Variants in NRG1 observed in about 807,000 individuals in gnomAD.
NRG1 encodes the protein neuregulin 1, also known as pro-neuregulin-1, membrane-bound isoform.
Under a neutral mutation model 63.8 loss-of-function variants are expected in NRG1, and 18 were observed. That is an observed-to-expected ratio of 0.28 (90% CI 0.19 to 0.42). NRG1 has a LOEUF of 0.42. NRG1 is among the 10% of genes least tolerant of loss of function. NRG1 has a pLI of 1.00. For synonymous variants in NRG1, 302 were observed against 301.3 expected (o/e 1.00, Z -0.02); for missense variants, 762 against 814.7 (o/e 0.94, Z 0.79).
At chr8:31,849,995 A>C (rs1007959123) in intron 1 of NRG1, among the ~76,000 whole-genome samples, 1 of 152,198 alleles carries the variant, frequency 6.6e-6, no homozygotes, top group African/African-American at 2.4e-5. Flanking sequence ...AGAAGTGTTC[A>C]AAATTTTTGC....
chr8:31,732,187 G>C (rs764432796), intron 1 of NRG1, among the ~76,000 whole-genome samples: 9 of 152,168 alleles, frequency 5.9e-5, no homozygotes, highest in Non-Finnish European at 1.0e-4. Context: ...GTTCGTTCCA[G>C]TTCATTGACT....
intron 5 of NRG1, among the ~76,000 whole-genome samples, chr8:32,713,461 T>A (rs1364849937): frequency 6.6e-6 from 1 of 152,068 alleles, no homozygotes; most frequent in Non-Finnish European, 1.5e-5. Context: ...ACCTTCCTAA[T>A]TGAGTTGAAC....
intron 1 of NRG1, among the ~76,000 whole-genome samples, chr8:32,578,116 T>C (rs868381638): frequency 1.3e-5 from 2 of 152,106 alleles, no homozygotes; most frequent in Non-Finnish European, 2.9e-5. Flanking sequence ...AGCCTCAGCC[T>C]CCTGAGTAGC....
At chr8:31,987,320 A>ATATGTG (rs1554593692) in intron 1 of NRG1, among the ~76,000 whole-genome samples, 1 of 125,800 alleles carries the variant, frequency 7.9e-6, no homozygotes, top group Non-Finnish European at 1.6e-5. Context: ...AAACATATAT[A>ATATGTG]TGTGTGTGTG....
chr8:32,453,078 T>C (rs1438815103), intron 1 of NRG1, among the ~76,000 whole-genome samples: 1 of 152,208 alleles, frequency 6.6e-6, no homozygotes, highest in East Asian at 1.9e-4. Flanking sequence ...TGTACTGACT[T>C]CCAGACATTT....
chr8:32,535,565 C>T (rs1831875574), intron 1 of NRG1, among the ~76,000 whole-genome samples: 1 of 152,190 alleles, frequency 6.6e-6, no homozygotes, highest in Non-Finnish European at 1.5e-5. Context: ...GGACAAGGCT[C>T]ATAAACCTCC....
rs911575472 is a variant in NRG1, at chr8:32,326,245, T to A, written c.38-269583T>A. ...GGCTGGTCTTGAACTCCTGGCCTTG[T>A]GATCTGCCGACCTTGGTCTCCCAAA... On this transcript the variant is annotated intron_variant, in intron 1 of 10. Coordinates refer to the NRG1 transcript ENST00000519301. Among the ~76,000 whole-genome samples the A allele has an allele frequency of 2.0e-5, 3 of 151,474 alleles. No individual in the cohort carries two copies. In the East Asian group the frequency reaches 5.8e-4, roughly 29 times the overall value.
At chr8:31,997,373 A>G (rs1323962071) in intron 1 of NRG1, among the ~76,000 whole-genome samples, 1 of 151,928 alleles carries the variant, frequency 6.6e-6, no homozygotes, top group African/African-American at 2.4e-5. Flanking sequence ...ATTGCCTGGC[A>G]CAAATTTGTC....
upstream of NRG1, among the ~76,000 whole-genome samples, chr8:32,547,039 T>C (rs975184471): frequency 6.6e-6 from 1 of 152,202 alleles, no homozygotes; most frequent in Non-Finnish European, 1.5e-5. Flanking sequence ...ATTTTGAATA[T>C]GGATTGTTCC....
At chr8:32,458,307 T>C (rs1461145432) in intron 1 of NRG1, among the ~76,000 whole-genome samples, 9 of 152,196 alleles carry the variant, frequency 5.9e-5, no homozygotes, top group Non-Finnish European at 1.3e-4. Flanking sequence ...GTTGTACAGC[T>C]TAAATATAGA....
chr8:32,759,094 T>C (rs903482529), intron 9 of NRG1, among the ~76,000 whole-genome samples: 2 of 151,880 alleles, frequency 1.3e-5, no homozygotes, highest in African/African-American at 4.9e-5. Flanking sequence ...TTTTTTTTTT[T>C]AACTCTATTC....
Position 31,778,694 on chromosome 8 carries a change from G to A in NRG1, c.37+139263G>A, listed in dbSNP as rs371990218. Among the ~76,000 whole-genome samples, 65 of 152,290 alleles carry A rather than the reference G, an allele frequency of 4.3e-4. No individual in the cohort carries two copies. In the Middle Eastern group the frequency reaches 0.024, roughly 56 times the overall value. ...CTATGTGACATTATTTAAGGGCTTT[G>A]CACACATTAATCCATTTAATCCTCT... On this transcript the variant is annotated intron_variant, in intron 1 of 10. Transcript: ENST00000519301.
intron 1 of NRG1, among the ~76,000 whole-genome samples, chr8:31,930,668 A>AT (rs367558099): frequency 6.6e-6 from 1 of 152,106 alleles, no homozygotes; most frequent in Non-Finnish European, 1.5e-5. Context: ...TAGAAATTGT[A>AT]TTTTTTTGAA....
chr8:32,020,315 GAT>G (rs1816229831), intron 1 of NRG1, among the ~76,000 whole-genome samples: 3 of 152,054 alleles, frequency 2.0e-5, no homozygotes, highest in East Asian at 3.8e-4. Flanking sequence ...GAAATTCATG[GAT>G]ATGAAATACA....
chr8:32,155,037 GC>G (rs1174104248), intron 1 of NRG1, among the ~76,000 whole-genome samples: 5 of 152,150 alleles, frequency 3.3e-5, no homozygotes, highest in Admixed American at 2.6e-4. Flanking sequence ...CACCCAACAT[GC>G]CTGGTCCTCA....
At chr8:32,755,145 A>G (rs1323358284) in intron 8 of NRG1, among the ~76,000 whole-genome samples, 1 of 152,220 alleles carries the variant, frequency 6.6e-6, no homozygotes, top group Non-Finnish European at 1.5e-5. Flanking sequence ...CTTTGAAAAC[A>G]TAAGAGAGAA....
intron 1 of NRG1, among the ~76,000 whole-genome samples, chr8:31,803,616 C>A (rs891504352): frequency 6.6e-6 from 1 of 152,224 alleles, no homozygotes; most frequent in African/African-American, 2.4e-5. Flanking sequence ...GATCTGTTTG[C>A]TTCTGTAACT....
At position 32,290,775 on chromosome 8, in the gene NRG1, T is replaced by C. The variant is rs550327480; in HGVS notation, c.38-305053T>C. On this transcript the variant is annotated intron_variant, in intron 1 of 10. Transcript: ENST00000519301. ...CAAACTCTTTTTATAATGTTCTTCC[T>C]ACTCACCTTATTCTTATGTCTATTC... Among the ~76,000 whole-genome samples, 43 of 152,332 alleles carry C rather than the reference T, an allele frequency of 2.8e-4. 1 individual carries two copies. Among genetic ancestry groups the C allele is most frequent in the African/African-American group, 8.9e-4 (37 of 41,568 alleles).
intron 1 of NRG1, among the ~76,000 whole-genome samples, chr8:32,041,732 T>C (rs1563714923): frequency 6.6e-6 from 1 of 152,106 alleles, no homozygotes; most frequent in Non-Finnish European, 1.5e-5. Context: ...CAAGAGCATG[T>C]AACAGAGAAG....
Sources: allele counts gnomAD v4.1 joint callset (sites outside exome capture counted in the v4.1 genomes callset), GRCh38; gene constraint gnomAD v4.1.1; transcripts MANE v1.5; gene names NCBI Gene and HGNC (gene_info 2026-07-23, HGNC 2026-07-21).